IL3RA: variants seen among roughly 807,000 people sequenced by gnomAD.
The protein encoded by IL3RA is interleukin 3 receptor subunit alpha, also known as interleukin-3 receptor subunit alpha.
A neutral mutation model predicts 52.3 loss-of-function variants in IL3RA; 73 were observed. The ratio of observed to expected loss-of-function variants is 1.40; its 90% CI spans 1.16 to 1.70. The LOEUF is 1.70. Ranked by LOEUF, IL3RA falls within the 40% of genes most tolerant of loss-of-function variation. The pLI is 0.00. For synonymous variants in IL3RA, 260 were observed against 194.0 expected (o/e 1.34, Z -2.83); for missense variants, 664 against 504.4 (o/e 1.32, Z -3.03).
At chrX:1,363,446 G>A (rs1254060303) in intron 8 of IL3RA, among the ~76,000 whole-genome samples, 5 of 151,794 alleles carry the variant, frequency 3.3e-5, no homozygotes, top group African/African-American at 1.2e-4. Flanking sequence ...GACCTCAGGC[G>A]CCCGCCACCG....
intron 10 of IL3RA, among the ~76,000 whole-genome samples, chrX:1,379,513 G>C (rs375030145): frequency 1.7e-3 from 255 of 152,290 alleles, no homozygotes; most frequent in African/African-American, 5.9e-3. Context: ...GCTGCCCCCT[G>C]CCAGGAGGTC....
intron 7 of IL3RA, 106 bp downstream of exon 7, chrX:1,356,442 C>G: frequency 1.5e-6 from 1 of 675,210 alleles, no homozygotes; most frequent in South Asian, 1.8e-5. Flanking sequence ...CCTCTGATAA[C>G]GTCACAGAAG....
In IL3RA at chrX:1,365,189, C is replaced by G; in HGVS notation, c.811C>G (p.Gln271Glu). The change falls in exon 9 of 12, where the codon CAA (glutamine) becomes GAA (glutamate). Residue 271 changes from glutamine to glutamate, a missense_variant. Transcript: ENST00000331035. ...QLLNPGTYTVQIRARERVYEF... is the reference protein window; with the variant it reads ...QLLNPGTYTVEIRARERVYEF... ...ACTCAATCCTGGAACGTACACAGTA[C>G]AAATAAGAGCCCGGGAAAGAGTGTA... The G allele has an allele frequency of 6.2e-7, 1 of 1,611,294 alleles. No individual in the cohort carries two copies.
chrX:1,342,312 C>T (rs1160035576), intron 2 of IL3RA, among the ~76,000 whole-genome samples: 6 of 151,586 alleles, frequency 4.0e-5, no homozygotes, highest in South Asian at 2.1e-4. Flanking sequence ...ATTACAGTCG[C>T]GCACCACCAT....
At chrX:1,341,381 G>GCA (rs66978143) in intron 1 of IL3RA, among the ~76,000 whole-genome samples, 2 of 151,924 alleles carry the variant, frequency 1.3e-5, no homozygotes, top group South Asian at 4.1e-4. Context: ...ACACGTGCAA[G>GCA]CACACACACA....
chrX:1,364,831 CAG>C (rs1184384090), intron 8 of IL3RA, among the ~76,000 whole-genome samples: 1 of 145,686 alleles, frequency 6.9e-6, no homozygotes, highest in East Asian at 1.9e-4. Flanking sequence ...TATTTAGAGA[CAG>C]AGTCTCACTC....
chrX:1,366,639 G>C (rs1308943511), intron 9 of IL3RA, among the ~76,000 whole-genome samples: 4 of 27,212 alleles, frequency 1.5e-4, no homozygotes, highest in Non-Finnish European at 1.2e-4. Flanking sequence ...CCGGGTGCGC[G>C]GGGTGAGCGG....
At chrX:1,348,646 CTTTCTTTCTT>C (rs1247044937) in intron 4 of IL3RA, 101 bp downstream of exon 4, 28 of 282,232 alleles carry the variant, frequency 9.9e-5, no homozygotes, top group African/African-American at 1.6e-4. Context: ...TTCTTTTTCT[CTTTCTTTCTT>C]TCTTTCTTTC....
intron 9 of IL3RA, among the ~76,000 whole-genome samples, chrX:1,373,568 GGACACA>G (rs1485478447): frequency 3.9e-5 from 1 of 25,638 alleles, no homozygotes; most frequent in Non-Finnish European, 6.1e-5. Flanking sequence ...GAGGACATGA[GGACACA>G]GACACACACA....
At chrX:1,354,631 G>A (rs1456979099) in intron 6 of IL3RA, among the ~76,000 whole-genome samples, 1 of 64,206 alleles carries the variant, frequency 1.6e-5, no homozygotes, top group Non-Finnish European at 3.2e-5. Context: ...AATGGAGAAA[G>A]AGGAGGGGGA....
intron 8 of IL3RA, among the ~76,000 whole-genome samples, chrX:1,362,116 CTT>C (rs1172793818): frequency 1.1e-4 from 16 of 149,726 alleles, no homozygotes; most frequent in South Asian, 2.1e-4. Context: ...CACTCTGTCT[CTT>C]TGTCTCTCTA....
At chrX:1,354,887 G>A (rs1437072352) in intron 6 of IL3RA, among the ~76,000 whole-genome samples, 1 of 40,446 alleles carries the variant, frequency 2.5e-5, no homozygotes, top group African/African-American at 1.2e-4. Flanking sequence ...GTGAGGAGGA[G>A]GAAGGGGAGG....
At chrX:1,353,708 C>CCA (rs1569522128) in intron 6 of IL3RA, among the ~76,000 whole-genome samples, 1 of 125,742 alleles carries the variant, frequency 8.0e-6, no homozygotes. Context: ...GGACCCCCCC[C>CCA]AATCATGGGT....
chrX:1,348,301 C>G (rs752500548), intron 3 of IL3RA, 130 bp from the exon 4 acceptor site: 1 of 726,794 alleles, frequency 1.4e-6, no homozygotes, highest in Non-Finnish European at 2.5e-6. Context: ...TGCAGTGAGC[C>G]GAGATCACGC....
chrX:1,377,117 G>T (rs112147442), intron 9 of IL3RA, among the ~76,000 whole-genome samples: 1 of 132,150 alleles, frequency 7.6e-6, no homozygotes, highest in East Asian at 2.4e-4. Context: ...GAGAAGACGG[G>T]GTCTCCAAGC....
At chrX:1,345,634 C>T (rs564403246) in intron 3 of IL3RA, among the ~76,000 whole-genome samples, 200 bp downstream of exon 3, 16 of 151,774 alleles carry the variant, frequency 1.1e-4, no homozygotes, top group African/African-American at 2.2e-4. Flanking sequence ...GGACTACAGG[C>T]GCCCGCCACC....
At chrX:1,341,027 C>G (rs2085467833) in intron 1 of IL3RA, among the ~76,000 whole-genome samples, 1 of 151,036 alleles carries the variant, frequency 6.6e-6, no homozygotes, top group South Asian at 2.1e-4. Flanking sequence ...TGAGGCAGGA[C>G]AATCGGTTGA....
intron 9 of IL3RA, 88 bp from the exon 10 acceptor site, chrX:1,378,571 T>C: frequency 8.6e-7 from 1 of 1,165,994 alleles, no homozygotes; most frequent in South Asian, 1.3e-5. Context: ...GCCACCTCTC[T>C]GCTTCCCAGG....
rs745388012 is a variant in IL3RA, at chrX:1,348,557, GTTCA to G, written c.298+15_298+18del. The G allele has an allele frequency of 9.9e-5, 158 of 1,594,596 alleles. No individual in the cohort carries two copies. Among genetic ancestry groups the G allele is most frequent in the Non-Finnish European group, 1.2e-4 (142 of 1,162,298 alleles). ...CTTCCCTGAGAACAGTGAGAAAAAT[GTTCA>G]TTGTTTGTTTATTCTCTATTCCCTC... is the stretch of plus-strand genomic sequence containing the variant. On this transcript the variant is annotated intron_variant, in intron 4 of 11. Coordinates refer to ENST00000331035, the MANE Select transcript of IL3RA (RefSeq NM_002183.4).
Sources: allele counts gnomAD v4.1 joint callset (sites outside exome capture counted in the v4.1 genomes callset), GRCh38; gene constraint gnomAD v4.1.1; transcripts MANE v1.5; gene names NCBI Gene and HGNC (gene_info 2026-07-23, HGNC 2026-07-21).